NPIPB2: variants seen among roughly 807,000 people sequenced by gnomAD.
NPIPB2 encodes nuclear pore complex-interacting protein family member B2.
Under a neutral mutation model 30.8 loss-of-function variants are expected in NPIPB2, and 27 were observed. The observed-to-expected ratio is 0.88, with a 90% CI of 0.65 to 1.21. NPIPB2 has a LOEUF of 1.21. Among genes scored for constraint, NPIPB2 ranks in the 50% most tolerant of loss-of-function variants. NPIPB2 has a pLI of 0.00. For synonymous variants in NPIPB2, 147 were observed against 162.0 expected, an observed-to-expected ratio of 0.91 and a Z score of 0.70; for missense variants, 440 against 446.2, an observed-to-expected ratio of 0.99 and a Z score of 0.13.
chr16:11,960,862 T>C (rs1456360101), intron 1 of NPIPB2, among the ~76,000 whole-genome samples: 4 of 151,556 alleles, frequency 2.6e-5, no homozygotes, highest in South Asian at 2.1e-4. Flanking sequence ...GATTTTTTTT[T>C]CTTTCTTTTC....
At chr16:11,933,047 G>A (rs965546283) in intron 4 of NPIPB2, among the ~76,000 whole-genome samples, 55 of 151,050 alleles carry the variant, frequency 3.6e-4, no homozygotes, top group Non-Finnish European at 6.9e-4. Flanking sequence ...GATTACCTGA[G>A]GTCAGAAGTT....
At chr16:11,953,922 C>T (rs113056389) in intron 1 of NPIPB2, among the ~76,000 whole-genome samples, 6 of 151,626 alleles carry the variant, frequency 4.0e-5, no homozygotes, top group Non-Finnish European at 7.4e-5. Flanking sequence ...GTGATTTGCC[C>T]GCCTTGGCCT....
chr16:11,932,270 A>G (rs1479569402), intron 4 of NPIPB2, among the ~76,000 whole-genome samples: 1 of 152,050 alleles, frequency 6.6e-6, no homozygotes, highest in Non-Finnish European at 1.5e-5. Flanking sequence ...ACATTTAACA[A>G]AAAAAGATCA....
At chr16:11,953,395 T>G (rs193185598) in intron 1 of NPIPB2, among the ~76,000 whole-genome samples, 75 of 151,692 alleles carry the variant, frequency 4.9e-4, no homozygotes, top group South Asian at 2.3e-3. Flanking sequence ...CAGGGTGGAG[T>G]GCAGTGGAGC....
At chr16:11,971,145 C>T (rs1413432992) in intron 1 of NPIPB2, among the ~76,000 whole-genome samples, 2 of 152,112 alleles carry the variant, frequency 1.3e-5, no homozygotes, top group African/African-American at 4.8e-5. Context: ...GCATAAGCCA[C>T]CACGCCTGGC....
chr16:11,973,181 A>G (rs1214574384), intron 1 of NPIPB2, among the ~76,000 whole-genome samples: 1 of 151,850 alleles, frequency 6.6e-6, no homozygotes, highest in Non-Finnish European at 1.5e-5. Flanking sequence ...AAAAAAAAAA[A>G]AAAGACTCTA....
rs1214348316 is a variant in NPIPB2 at position 11,951,625 on chromosome 16, T to TACACACACACACAC, written c.-583-9525_-583-9512dup. 8.1e-3 allele frequency among the ~76,000 whole-genome samples: 777 copies of TACACACACACACAC among 95,834 alleles called. 7 individuals carry two copies. Among genetic ancestry groups the TACACACACACACAC allele is most frequent in the Non-Finnish European group, 7.8e-3 (399 of 51,244 alleles). 62.9% of individuals were successfully genotyped at this position (95,834 alleles called of 152,430 possible). On this transcript the variant is annotated intron_variant, in intron 1 of 5. Transcript: ENST00000538896. ...TACAGATGGACACTGCACATACACA[T>TACACACACACACAC]ACACACACACACACACACACACACA... is the stretch of plus-strand genomic sequence containing the variant.
intron 1 of NPIPB2, among the ~76,000 whole-genome samples, chr16:11,964,491 G>A (rs2055178050): frequency 6.6e-6 from 1 of 151,582 alleles, no homozygotes; most frequent in African/African-American, 2.4e-5. Context: ...TTGGCTTACT[G>A]CAAACTCCGC....
upstream of NPIPB2, among the ~76,000 whole-genome samples, chr16:11,946,811 T>C (rs922079976): frequency 6.6e-6 from 1 of 151,978 alleles, no homozygotes; most frequent in African/African-American, 2.4e-5. Context: ...AATGAAAGCA[T>C]ATGTTTACAC....
At chr16:11,951,395 C>T (rs1463764731) in intron 1 of NPIPB2, among the ~76,000 whole-genome samples, 1 of 127,472 alleles carries the variant, frequency 7.8e-6, no homozygotes, top group African/African-American at 3.0e-5. Flanking sequence ...ACCTGGGAAG[C>T]GGAGCTTGCA....
chr16:11,937,426 T>C lies in NPIPB2; in HGVS notation c.192+114A>G, dbSNP rs2054882901. The C allele has an allele frequency of 7.7e-6, 5 of 650,856 alleles. No individual in the cohort carries two copies. The South Asian group carries it at 1.1e-4, about 14-fold the overall frequency. 40.3% of individuals were successfully genotyped at this position (650,856 alleles called of 1,614,324 possible). ...TTATGCTAATAAATCATTTCCCTGA[T>C]TTTTTGGGTAAAACCACATATTCAT... is the stretch of plus-strand genomic sequence containing the variant. On this transcript the variant is annotated intron_variant, in intron 2 of 7. Transcript: ENST00000399147.
chr16:11,940,954 C>T (rs1328812362), intron 1 of NPIPB2, among the ~76,000 whole-genome samples: 12 of 148,056 alleles, frequency 8.1e-5, no homozygotes, highest in East Asian at 2.0e-4. Context: ...ATAACAGGTA[C>T]GCACCACCAG....
intron 1 of NPIPB2, chr16:11,967,478 C>T (rs980732417): frequency 2.0e-5 from 27 of 1,319,084 alleles, no homozygotes; most frequent in Non-Finnish European, 2.8e-5. Context: ...ATCTCTCTCA[C>T]ATTGCTTTGA....
intron 1 of NPIPB2, among the ~76,000 whole-genome samples, chr16:11,955,215 G>A (rs567495234): frequency 1.2e-4 from 18 of 151,768 alleles, no homozygotes; most frequent in South Asian, 2.1e-4. Context: ...TTAGCTGGCC[G>A]TCGTGGCACA....
At chr16:11,961,860 G>T (rs1310858344) in intron 1 of NPIPB2, among the ~76,000 whole-genome samples, 1 of 151,706 alleles carries the variant, frequency 6.6e-6, no homozygotes, top group Non-Finnish European at 1.5e-5. Flanking sequence ...AAATAGGTAG[G>T]GTCTGAATAG....
intron 1 of NPIPB2, among the ~76,000 whole-genome samples, chr16:11,972,811 C>T (rs1461643086): frequency 6.6e-6 from 1 of 150,572 alleles, no homozygotes; most frequent in Non-Finnish European, 1.5e-5. Flanking sequence ...TTGCAGTGAG[C>T]CGAGATCACG....
chr16:11,945,030 A>T (rs537734473), upstream of NPIPB2, among the ~76,000 whole-genome samples: 21 of 151,366 alleles, frequency 1.4e-4, no homozygotes, highest in African/African-American at 3.1e-4. Flanking sequence ...AATAAAAAAA[A>T]AAAAAAATTA....
At chr16:11,947,155 T>C (rs1056995783) in intron 1 of NPIPB2, among the ~76,000 whole-genome samples, 8 of 147,366 alleles carry the variant, frequency 5.4e-5, no homozygotes, top group African/African-American at 2.0e-4. Flanking sequence ...AGTCTCACTA[T>C]GATGCTCAGG....
At chr16:11,976,500 A>C (rs1156542632) in intron 1 of NPIPB2, 1 of 335,368 alleles carries the variant, frequency 3.0e-6, no homozygotes, top group African/African-American at 2.1e-5. Flanking sequence ...TGGGAACCTC[A>C]GGAAGGCAGG....
Sources: allele counts gnomAD v4.1 joint callset (sites outside exome capture counted in the v4.1 genomes callset), GRCh38; gene constraint gnomAD v4.1.1; transcripts MANE v1.5; gene names NCBI Gene and HGNC (gene_info 2026-07-23, HGNC 2026-07-21).